The following GLIS3 variants were observed in gnomAD, a reference collection of about 807,000 sequenced individuals.
GLIS3 encodes the protein GLIS family zinc finger 3.
Under a neutral mutation model 78.6 loss-of-function variants are expected in GLIS3, and 53 were observed. That is an observed-to-expected ratio of 0.67 (90% confidence interval 0.54 to 0.85). The LOEUF (loss-of-function observed/expected upper bound fraction) is 0.85. Among genes scored for constraint, GLIS3 ranks in the 40% least tolerant of loss-of-function variants. The pLI, the probability that GLIS3 is intolerant of heterozygous loss-of-function variation, is 0.00. For missense variants in GLIS3, 1,703 were observed against 1,231.1 expected (o/e 1.38, Z -5.74); for synonymous variants, 684 against 509.9 (o/e 1.34, Z -4.60).
At chr9:4,439,855 G>T in the GLIS3 span, among the ~76,000 whole-genome samples, 1 of 151,942 alleles carries the variant, frequency 6.6e-6, no homozygotes, top group African/African-American at 2.4e-5. Context: ...ATTTTTGTGG[G>T]GTTCTTTTGC....
chr9:3,849,096 G>A (rs1819243783), intron 9 of GLIS3, among the ~76,000 whole-genome samples: 1 of 152,206 alleles, frequency 6.6e-6, no homozygotes, highest in African/African-American at 2.4e-5. Context: ...GTACATGGAT[G>A]ACAGAAATCT....
chr9:4,249,428 T>C (rs1333296092), intron 2 of GLIS3, among the ~76,000 whole-genome samples: 2 of 152,208 alleles, frequency 1.3e-5, no homozygotes, highest in South Asian at 2.1e-4. Flanking sequence ...TTGTCTATTA[T>C]TGGTGTATAG....
intron 1 of GLIS3, among the ~76,000 whole-genome samples, chr9:4,292,580 T>C (rs1816099482): frequency 6.6e-6 from 1 of 152,200 alleles, no homozygotes; most frequent in South Asian, 2.1e-4. Context: ...TTTTTGGCTT[T>C]ATAAAACGTA....
chr9:4,134,591 G>C (rs1040878404), intron 2 of GLIS3, among the ~76,000 whole-genome samples: 3 of 152,132 alleles, frequency 2.0e-5, no homozygotes, highest in Non-Finnish European at 2.9e-5. Flanking sequence ...TGATGTGCCT[G>C]CTCAGTAAAG....
At chr9:4,393,054 G>C in the GLIS3 span, among the ~76,000 whole-genome samples, 2 of 152,074 alleles carry the variant, frequency 1.3e-5, no homozygotes, top group East Asian at 1.9e-4. Flanking sequence ...TTGCATAATG[G>C]TGTGTAAAAA....
intron 4 of GLIS3, chr9:4,054,339 C>T (rs1825963731): frequency 1.0e-6 from 1 of 985,442 alleles, no homozygotes. Context: ...AAGACCTCCA[C>T]CTTTCCAAGC....
intron 8 of GLIS3, among the ~76,000 whole-genome samples, chr9:3,877,245 AT>A (rs569740617): frequency 1.4e-5 from 2 of 147,814 alleles, no homozygotes; most frequent in African/African-American, 4.9e-5. Context: ...TATAAAATGC[AT>A]TTTTTTAAAA....
chr9:4,173,918 AC>A (rs1323461934), intron 2 of GLIS3, among the ~76,000 whole-genome samples: 3 of 137,612 alleles, frequency 2.2e-5, no homozygotes, highest in Non-Finnish European at 4.8e-5. Context: ...GTTAAAACAC[AC>A]ACACACACAC....
intron 2 of GLIS3, among the ~76,000 whole-genome samples, chr9:4,175,855 C>T (rs974370390): frequency 1.4e-4 from 22 of 152,166 alleles, no homozygotes; most frequent in African/African-American, 5.3e-4. Flanking sequence ...AAAGAAGTAT[C>T]ATCATCCTCA....
Position 4,167,486 on chromosome 9 carries a change from C to T in GLIS3, c.389-41545G>A, listed in dbSNP as rs1815968164. Among the ~76,000 whole-genome samples the T allele has an allele frequency of 2.0e-5, 3 of 152,186 alleles. No individual in the cohort carries two copies. In the South Asian group the frequency reaches 6.2e-4, roughly 32 times the overall value. ...TGCCACTCTGTGAGTCTAGCAGGCT[C>T]TGAGCCACTTGAAGAGAGGACAGTG... On this transcript the variant is annotated intron_variant, in intron 2 of 10. Coordinates refer to ENST00000381971, the MANE Select transcript of GLIS3 (RefSeq NM_001042413.2).
chr9:4,249,329 A>T (rs1000702065), intron 2 of GLIS3, among the ~76,000 whole-genome samples: 16 of 152,038 alleles, frequency 1.1e-4, no homozygotes, highest in Admixed American at 5.3e-4. Flanking sequence ...CTTTGAAGAG[A>T]TCCTTCACAT....
At chr9:4,206,173 A>G (rs940992672) in intron 2 of GLIS3, among the ~76,000 whole-genome samples, 2 of 152,222 alleles carry the variant, frequency 1.3e-5, no homozygotes, top group African/African-American at 2.4e-5. Flanking sequence ...TAACAGAACT[A>G]TCTGGAAAGG....
chr9:4,049,395 C>T (rs1825521454), intron 4 of GLIS3, among the ~76,000 whole-genome samples: 1 of 152,184 alleles, frequency 6.6e-6, no homozygotes. Context: ...TGAAATGGGC[C>T]ATCAAGGACC....
chr9:4,236,822 A>G (rs901840037), intron 2 of GLIS3, among the ~76,000 whole-genome samples: 1 of 152,188 alleles, frequency 6.6e-6, no homozygotes, highest in African/African-American at 2.4e-5. Flanking sequence ...GACAATGCAA[A>G]CTGGAAAAAC....
chr9:4,260,736 C>G (rs1229433528), intron 2 of GLIS3, among the ~76,000 whole-genome samples: 1 of 151,828 alleles, frequency 6.6e-6, no homozygotes, highest in Non-Finnish European at 1.5e-5. Flanking sequence ...CAGAGCAAGA[C>G]TCCGTCCCAA....
At chr9:4,011,979 G>A (rs139420230) in intron 4 of GLIS3, among the ~76,000 whole-genome samples, 2 of 152,276 alleles carry the variant, frequency 1.3e-5, no homozygotes, top group East Asian at 1.9e-4. Context: ...GGTGACAGGG[G>A]AGGGGGAGGT....
intron 5 of GLIS3, 27 bp downstream of exon 5, chr9:3,937,001 A>C (rs1475093106): frequency 6.2e-7 from 1 of 1,612,042 alleles, no homozygotes; most frequent in Non-Finnish European, 8.5e-7. Context: ...GCTGGGTTGG[A>C]AACTGGAAAG....
intron 4 of GLIS3, among the ~76,000 whole-genome samples, chr9:4,026,362 A>C (rs1253060518): frequency 6.6e-6 from 1 of 152,246 alleles, no homozygotes; most frequent in Admixed American, 6.5e-5. Flanking sequence ...CTATCTGAAT[A>C]ATAATGCTTT....
At chr9:3,894,796 TAAC>T (rs558169656) in intron 7 of GLIS3, among the ~76,000 whole-genome samples, 2 of 152,130 alleles carry the variant, frequency 1.3e-5, no homozygotes, top group African/African-American at 2.4e-5. Context: ...GCTCTAAACA[TAAC>T]AATTATTTTA....
Sources: allele counts gnomAD v4.1 joint callset (sites outside exome capture counted in the v4.1 genomes callset), GRCh38; gene constraint gnomAD v4.1.1; transcripts MANE v1.5; gene names NCBI Gene and HGNC (gene_info 2026-07-23, HGNC 2026-07-21).